PCDH7: variants seen among roughly 807,000 people sequenced by gnomAD.
PCDH7 encodes protocadherin 7, also known as protocadherin-7.
In PCDH7, 17 loss-of-function variants were observed where a neutral mutation model predicts 58.9. The ratio of observed to expected loss-of-function variants is 0.29; its 90% CI spans 0.20 to 0.43. PCDH7 has a LOEUF of 0.43. Ranked by LOEUF, PCDH7 falls within the 20% of genes least tolerant of loss-of-function variation. PCDH7 has a pLI of 1.00. For missense variants in PCDH7, 1,274 were observed against 1,441.0 expected (o/e 0.88, Z 1.88); for synonymous variants, 664 against 616.4 (o/e 1.08, Z -1.14).
intron 1 of PCDH7, among the ~76,000 whole-genome samples, chr4:30,897,096 C>T (rs1033953951): frequency 1.3e-5 from 2 of 151,358 alleles, no homozygotes; most frequent in Non-Finnish European, 2.9e-5. Context: ...AGTAGACACA[C>T]GGTTTCACTG....
intron 1 of PCDH7, among the ~76,000 whole-genome samples, chr4:30,852,130 G>A (rs1732839710): frequency 6.6e-6 from 1 of 152,016 alleles, no homozygotes; most frequent in Non-Finnish European, 1.5e-5. Flanking sequence ...TGTAATATAA[G>A]CATTTCTATT....
At chr4:30,963,952 C>A (rs1248506128) in intron 3 of PCDH7, among the ~76,000 whole-genome samples, 1 of 152,154 alleles carries the variant, frequency 6.6e-6, no homozygotes, top group Non-Finnish European at 1.5e-5. Context: ...ATATTAAGCA[C>A]AAACATATTA....
chr4:31,062,199 T>C (rs1757740995), intron 3 of PCDH7, among the ~76,000 whole-genome samples: 1 of 151,650 alleles, frequency 6.6e-6, no homozygotes, highest in Non-Finnish European at 1.5e-5. Flanking sequence ...CTATTACAAC[T>C]GTATAATTTC....
At chr4:31,018,452 T>C (rs1038830791) in intron 3 of PCDH7, among the ~76,000 whole-genome samples, 3 of 152,188 alleles carry the variant, frequency 2.0e-5, no homozygotes, top group Non-Finnish European at 2.9e-5. Context: ...GGCATGTACC[T>C]GTCTCTATAT....
intron 3 of PCDH7, among the ~76,000 whole-genome samples, chr4:31,044,175 A>G (rs1756104900): frequency 6.6e-6 from 1 of 151,856 alleles, no homozygotes; most frequent in South Asian, 2.1e-4. Context: ...CATTCAGTAT[A>G]ACAGATGCCA....
chr4:31,021,915 G>A (rs558072627), intron 3 of PCDH7, among the ~76,000 whole-genome samples: 183 of 152,188 alleles, frequency 1.2e-3, no homozygotes, highest in African/African-American at 4.1e-3. Flanking sequence ...AAACAAAACA[G>A]CAACGTTCAT....
chr4:30,752,451 A>C (rs1718657425), intron 1 of PCDH7, among the ~76,000 whole-genome samples: 1 of 152,206 alleles, frequency 6.6e-6, no homozygotes, highest in African/African-American at 2.4e-5. Context: ...AAGTAGTGAC[A>C]GCTACCTGGT....
downstream of PCDH7, among the ~76,000 whole-genome samples, chr4:30,736,331 A>G (rs1392005734): frequency 6.6e-6 from 1 of 152,140 alleles, no homozygotes; most frequent in East Asian, 1.9e-4. Context: ...TTGAGAGATA[A>G]TATATTTCAT....
At chr4:31,056,943 T>C (rs1757307907) in intron 3 of PCDH7, among the ~76,000 whole-genome samples, 1 of 152,196 alleles carries the variant, frequency 6.6e-6, no homozygotes, top group Middle Eastern at 3.2e-3. Context: ...TAAATATGTA[T>C]GTTTGTCAAT....
intron 1 of PCDH7, among the ~76,000 whole-genome samples, chr4:30,863,971 T>A (rs1438093060): frequency 6.6e-6 from 1 of 152,124 alleles, no homozygotes; most frequent in African/African-American, 2.4e-5. Flanking sequence ...GATAGGTTAT[T>A]CACAAAATAG....
In PCDH7 at chr4:30,723,393, T is replaced by G. The variant is rs556456161; in HGVS notation, c.1971T>G (p.Pro657=). ...AAGAAAACTTGCAGCCCAACAGCCCTGTGGGGATGGTCACCGTGATGGATG... is the reference window on the plus strand; with the variant it reads ...AAGAAAACTTGCAGCCCAACAGCCCGGTGGGGATGGTCACCGTGATGGATG... Residue 657 remains proline, a synonymous_variant, in exon 1 of 2, where the codon CCT becomes CCG. Transcript: ENST00000361762. The surrounding 1 kb of genome is among the most constrained non-coding windows in gnomAD (Gnocchi z 4.6). The G allele has an allele frequency of 6.8e-6, 11 of 1,614,208 alleles. No homozygotes were observed. Among genetic ancestry groups the G allele is most frequent in the Admixed American group, 1.7e-5 (1 of 60,024 alleles).
At chr4:30,968,505 A>G (rs1313526403) in intron 3 of PCDH7, among the ~76,000 whole-genome samples, 1 of 150,564 alleles carries the variant, frequency 6.6e-6, no homozygotes, top group Non-Finnish European at 1.5e-5. Context: ...GCACATGATC[A>G]GAATCTTCTT....
At chr4:30,756,399 ACCCACCCG>A (rs1719311723) in intron 1 of PCDH7, among the ~76,000 whole-genome samples, 1 of 152,116 alleles carries the variant, frequency 6.6e-6, no homozygotes, top group Admixed American at 6.5e-5. Flanking sequence ...AAATGATAGC[ACCCACCCG>A]GAAGATGAGG....
chr4:31,053,938 A>G (rs954268291), intron 3 of PCDH7, among the ~76,000 whole-genome samples: 1 of 152,184 alleles, frequency 6.6e-6, no homozygotes, highest in Admixed American at 6.6e-5. Flanking sequence ...ATGATAATAC[A>G]TACACCTGGA....
intron 3 of PCDH7, among the ~76,000 whole-genome samples, chr4:31,052,655 G>A (rs1004874944): frequency 3.9e-5 from 6 of 152,090 alleles, no homozygotes; most frequent in African/African-American, 1.2e-4. Context: ...AAGCACAAGT[G>A]ATCCTGAAAA....
intron 3 of PCDH7, among the ~76,000 whole-genome samples, chr4:30,992,744 C>T (rs1751554989): frequency 1.3e-5 from 2 of 151,364 alleles, no homozygotes. Flanking sequence ...CTCCTTGCTC[C>T]CAACTACTGT....
rs141213097 is a variant in PCDH7, at chr4:30,724,520, C to T, written c.3098C>T (p.Ala1033Val). 2.7e-5 allele frequency: 43 copies of T among 1,614,010 alleles called. No homozygotes were observed. The highest frequency in any genetic ancestry group is 8.3e-5 in the Admixed American group (5 of 60,006). The change falls in exon 1 of 2, where the codon GCA becomes GTA. Residue 1033 changes from alanine (A) to valine (V), a missense_variant. Coordinates refer to ENST00000361762, the Ensembl canonical transcript of PCDH7. Reference sequence around the variant, plus strand: ...CCACCAGCCAACACATTTGTGGGAGCAGGAGACAACATTTCAATTGGATCA... The same window carrying T: ...CCACCAGCCAACACATTTGTGGGAGTAGGAGACAACATTTCAATTGGATCA...
At chr4:30,899,321 A>G (rs1453287332) in intron 1 of PCDH7, among the ~76,000 whole-genome samples, 1 of 152,164 alleles carries the variant, frequency 6.6e-6, no homozygotes, top group Non-Finnish European at 1.5e-5. Context: ...TTTGAAGGAT[A>G]AAATTGCCCT....
chr4:30,786,356 T>C (rs889167309), intron 1 of PCDH7, among the ~76,000 whole-genome samples: 1 of 152,154 alleles, frequency 6.6e-6, no homozygotes, highest in African/African-American at 2.4e-5. Flanking sequence ...TTCATTCTTA[T>C]TTGTATTTGT....
Sources: allele counts gnomAD v4.1 joint callset (sites outside exome capture counted in the v4.1 genomes callset), GRCh38; gene constraint gnomAD v4.1.1; non-coding constraint Gnocchi (gnomAD v3.1); transcripts MANE v1.5; gene names NCBI Gene and HGNC (gene_info 2026-07-23, HGNC 2026-07-21).